The following CLMP variants were observed in gnomAD, a reference collection of about 807,000 sequenced individuals.
The protein encoded by CLMP is CXADR-like membrane protein.
A neutral mutation model predicts 45.2 loss-of-function variants in CLMP; 27 were observed. The ratio of observed to expected loss-of-function variants is 0.60; its 90% confidence interval spans 0.44 to 0.82. The LOEUF is 0.82. Ranked by LOEUF, CLMP falls within the 40% of genes least tolerant of loss-of-function variation. The pLI is 0.00. For missense variants in CLMP, 403 were observed against 448.4 expected (o/e 0.90, Z 0.91); for synonymous variants, 167 against 171.4 (o/e 0.97, Z 0.20).
chr11:123,120,752 G>A (rs1389763448), intron 1 of CLMP, among the ~76,000 whole-genome samples: 3 of 152,126 alleles, frequency 2.0e-5, no homozygotes, highest in Admixed American at 2.0e-4. Flanking sequence ...ATTAATCACA[G>A]GGTTCCTTGC....
chr11:123,153,739 G>A (rs1038707750), intron 1 of CLMP, among the ~76,000 whole-genome samples: 2 of 151,948 alleles, frequency 1.3e-5, no homozygotes, highest in African/African-American at 4.8e-5. Context: ...CTGGAGTGCA[G>A]TGGCACGATC....
At chr11:123,139,782 C>T (rs1350038701) in intron 1 of CLMP, among the ~76,000 whole-genome samples, 1 of 151,956 alleles carries the variant, frequency 6.6e-6, no homozygotes, top group East Asian at 1.9e-4. Flanking sequence ...CGCTACTGCA[C>T]TCCAGCCTGG....
intron 1 of CLMP, among the ~76,000 whole-genome samples, chr11:123,098,474 C>T (rs898199938): frequency 6.6e-6 from 1 of 151,948 alleles, no homozygotes; most frequent in African/African-American, 2.4e-5. Context: ...GTGATCCACC[C>T]GCCTTGGTCT....
chr11:123,135,088 C>A (rs12287708), intron 1 of CLMP, among the ~76,000 whole-genome samples: 3 of 151,600 alleles, frequency 2.0e-5, no homozygotes, highest in African/African-American at 7.3e-5. Context: ...GGTGAAACCC[C>A]GTCTCTACTA....
intron 2 of CLMP, 28 bp downstream of exon 2, chr11:123,097,767 G>A (rs778669110): frequency 6.6e-7 from 1 of 1,520,988 alleles, no homozygotes; most frequent in Non-Finnish European, 8.9e-7. Context: ...CAAGAAGGAG[G>A]AGGGACTCCA....
chr11:123,174,316 A>G (rs962521789), intron 1 of CLMP, among the ~76,000 whole-genome samples: 2 of 152,160 alleles, frequency 1.3e-5, no homozygotes, highest in South Asian at 2.1e-4. Context: ...TCTGTTTCAT[A>G]CTATGTATAA....
rs553799229 is a variant in CLMP, at chr11:123,183,841, G to A, written c.28+11072C>T. Among the ~76,000 whole-genome samples the A allele has an allele frequency of 3.3e-5, 5 of 152,238 alleles. No homozygotes were observed. The East Asian group carries it at 5.8e-4, about 18-fold the overall frequency. Reference sequence around the variant, plus strand: ...GCCAGCACAGAGCCCTGCTGAGTGCGGTGGGGTGTGGCTGCCACTCATAAT... The same window carrying A: ...GCCAGCACAGAGCCCTGCTGAGTGCAGTGGGGTGTGGCTGCCACTCATAAT... On this transcript the variant is annotated intron_variant, in intron 1 of 6. Transcript: ENST00000448775.
intron 1 of CLMP, among the ~76,000 whole-genome samples, chr11:123,104,700 C>T (rs1395667436): frequency 6.6e-6 from 1 of 152,074 alleles, no homozygotes; most frequent in Non-Finnish European, 1.5e-5. Context: ...TCTTTAACTC[C>T]AAGGCTTAGC....
chr11:123,084,434 C>T (rs1279414607), intron 3 of CLMP, 78 bp downstream of exon 3: 2 of 1,164,032 alleles, frequency 1.7e-6, no homozygotes, highest in Non-Finnish European at 2.6e-6. Flanking sequence ...TGTTTTGTAC[C>T]ACCGTGATGC....
intron 3 of CLMP, 23 bp downstream of exon 3, chr11:123,084,489 T>C: frequency 6.3e-7 from 1 of 1,594,168 alleles, no homozygotes; most frequent in African/African-American, 1.3e-5. Context: ...GCTGTAGACA[T>C]TCACTTTGGC....
At chr11:123,097,548 C>T (rs1394381013) in intron 2 of CLMP, among the ~76,000 whole-genome samples, 5 of 152,064 alleles carry the variant, frequency 3.3e-5, no homozygotes, top group East Asian at 3.9e-4. Flanking sequence ...AGGCTGGTCT[C>T]GAACTCCTGA....
At chr11:123,139,131 A>G (rs1861119408) in intron 1 of CLMP, among the ~76,000 whole-genome samples, 1 of 152,066 alleles carries the variant, frequency 6.6e-6, no homozygotes. Flanking sequence ...AGCAGCATTG[A>G]GTATTTGTGA....
At chr11:123,103,717 T>C (rs79205319) in intron 1 of CLMP, among the ~76,000 whole-genome samples, 1 of 151,314 alleles carries the variant, frequency 6.6e-6, no homozygotes. Flanking sequence ...TCTTTCTTTC[T>C]TTTTTTTTAC....
intron 5 of CLMP, among the ~76,000 whole-genome samples, chr11:123,082,114 C>T (rs543149614): frequency 2.0e-5 from 3 of 152,302 alleles, no homozygotes; most frequent in South Asian, 4.1e-4. Context: ...CATGCACATA[C>T]ACACTCACAA....
intron 1 of CLMP, among the ~76,000 whole-genome samples, chr11:123,185,993 C>T (rs567269126): frequency 1.3e-5 from 2 of 152,272 alleles, no homozygotes; most frequent in East Asian, 3.9e-4. Flanking sequence ...CAGGCCAGGC[C>T]TCTCAGTGGC....
chr11:123,108,830 G>T (rs1448422890), intron 1 of CLMP, among the ~76,000 whole-genome samples: 2 of 152,032 alleles, frequency 1.3e-5, no homozygotes, highest in Non-Finnish European at 2.9e-5. Context: ...GAGGCGGGCG[G>T]ATCACCTGAG....
chr11:123,171,396 G>A (rs1288888538), intron 1 of CLMP, among the ~76,000 whole-genome samples: 4 of 151,130 alleles, frequency 2.6e-5, no homozygotes, highest in African/African-American at 9.7e-5. Context: ...AGAAGGGAGG[G>A]TATTTGGGAG....
At chr11:123,153,612 T>C (rs867657019) in intron 1 of CLMP, among the ~76,000 whole-genome samples, 1 of 152,240 alleles carries the variant, frequency 6.6e-6, no homozygotes, top group African/African-American at 2.4e-5. Context: ...ACAGGCTCAC[T>C]TAACTTACTC....
At chr11:123,159,267 G>T (rs1406667846) in intron 1 of CLMP, among the ~76,000 whole-genome samples, 1 of 152,232 alleles carries the variant, frequency 6.6e-6, no homozygotes, top group Non-Finnish European at 1.5e-5. Flanking sequence ...CAGCCTTCCA[G>T]AATGTGCTCA....
Sources: allele counts gnomAD v4.1 joint callset (sites outside exome capture counted in the v4.1 genomes callset), GRCh38; gene constraint gnomAD v4.1.1; transcripts MANE v1.5; gene names NCBI Gene and HGNC (gene_info 2026-07-23, HGNC 2026-07-21).